ISLR2: variants seen among roughly 807,000 people sequenced by gnomAD.
ISLR2 encodes immunoglobulin superfamily containing leucine rich repeat 2.
Under a neutral mutation model 25.5 loss-of-function variants are expected in ISLR2, and 16 were observed. The ratio of observed to expected loss-of-function variants is 0.63; its 90% CI spans 0.43 to 0.95. The LOEUF (loss-of-function observed/expected upper bound fraction) is 0.95, where lower values mean the gene tolerates loss of function less well. Among genes scored for constraint, ISLR2 ranks in the 40% least tolerant of loss-of-function variants. The probability of loss-of-function intolerance (pLI) is 0.00; values close to 1 mark genes in which losing one functional copy is unlikely to be tolerated. For synonymous variants in ISLR2, 508 were observed against 486.6 expected (o/e 1.04, Z -0.58); for missense variants, 883 against 1,030.7 (o/e 0.86, Z 1.96).
At chr15:74,111,414 C>T (rs1220508047) in intron 2 of ISLR2, among the ~76,000 whole-genome samples, 2 of 151,804 alleles carry the variant, frequency 1.3e-5, no homozygotes, top group Non-Finnish European at 2.9e-5. Flanking sequence ...CTCAGCCTCC[C>T]GAGTAGCTGG....
intron 2 of ISLR2, among the ~76,000 whole-genome samples, chr15:74,114,275 C>T (rs1376717988): frequency 2.0e-5 from 3 of 152,204 alleles, no homozygotes; most frequent in African/African-American, 7.2e-5. Flanking sequence ...ATCATCAATA[C>T]AGGTACTCCA....
chr15:74,120,569 G>T (rs1041135553), intron 2 of ISLR2, among the ~76,000 whole-genome samples: 6 of 151,900 alleles, frequency 3.9e-5, no homozygotes, highest in African/African-American at 1.2e-4. Context: ...GGAGGCAGAG[G>T]GTAGGTGAGG....
At chr15:74,131,785 C>G (rs2072425983) in intron 2 of ISLR2, 1 of 152,302 alleles carries the variant, frequency 6.6e-6, no homozygotes, top group Non-Finnish European at 1.5e-5. Flanking sequence ...GGGGGAGAAC[C>G]TCCTTCCCCG....
At position 74,135,705 on chromosome 15, in the gene ISLR2, G is replaced by T. The variant is rs2072554096; in HGVS notation, c.*713G>T. On this transcript the variant is annotated 3_prime_UTR_variant, in exon 3 of 3. Transcript: ENST00000453268. Reference sequence around the variant, plus strand: ...TTTAGTAGAGACGGGGTTTCACCATGTTGGCCAGGATGGTCTGGATCTCTT... The same window carrying T: ...TTTAGTAGAGACGGGGTTTCACCATTTTGGCCAGGATGGTCTGGATCTCTT... 6.5e-6 allele frequency: 1 copy of T among 154,086 alleles called. No homozygotes were observed. The highest frequency in any genetic ancestry group is 2.1e-4 in the South Asian group (1 of 4,818). 9.5% of individuals were successfully genotyped at this position (154,086 alleles called of 1,614,324 possible).
rs767003172 is a variant in ISLR2, at chr15:74,135,560, G to T, written c.*568G>T. The T allele has an allele frequency of 2.5e-5, 4 of 160,760 alleles. No individual in the cohort carries two copies. The allele number at this position is 160,760 out of a possible 1,614,324, so 10.0% of individuals were successfully genotyped here. ...GTCTGTCGCCAGGCTGGAGTGCAGT[G>T]GCGCGATCTCGGCTCACTGCATCTT... On this transcript the variant is annotated 3_prime_UTR_variant, in exon 3 of 3. Coordinates refer to ENST00000453268, the MANE Select transcript of ISLR2 (RefSeq NM_020851.3).
intron 2 of ISLR2, among the ~76,000 whole-genome samples, chr15:74,120,296 T>G (rs1210308562): frequency 6.6e-6 from 1 of 152,110 alleles, no homozygotes; most frequent in Non-Finnish European, 1.5e-5. Flanking sequence ...ATGGGGAAAC[T>G]GCCTACCTTA....
chr15:74,108,044 A>T (rs187675708), intron 2 of ISLR2, among the ~76,000 whole-genome samples: 1 of 152,244 alleles, frequency 6.6e-6, no homozygotes, highest in African/African-American at 2.4e-5. Context: ...CAGAGGTTGG[A>T]GCTGGGAGGT....
chr15:74,124,329 C>T (rs2072274561), upstream of ISLR2, among the ~76,000 whole-genome samples: 1 of 151,952 alleles, frequency 6.6e-6, no homozygotes, highest in African/African-American at 2.4e-5. Context: ...TTATTCTGAA[C>T]CAATCAGTTT....
upstream of ISLR2, chr15:74,130,215 G>C (rs1347293960): frequency 2.3e-5 from 3 of 128,994 alleles, no homozygotes; most frequent in Non-Finnish European, 5.0e-5. Flanking sequence ...GGGGCGGGGG[G>C]GTTGGGGCGG....
upstream of ISLR2, chr15:74,130,275 G>T (rs970746928): frequency 3.9e-5 from 6 of 152,008 alleles, no homozygotes; most frequent in African/African-American, 1.5e-4. Context: ...AGGCAAAAAT[G>T]GTAGGGAGGG....
At position 74,133,017 on chromosome 15, in the gene ISLR2, G is replaced by T. The variant is rs1322030287; in HGVS notation, c.263G>T (p.Arg88Leu). Residue 88 changes from arginine to leucine, a missense_variant, in exon 3 of 3, where the codon CGC (arginine) becomes CTC (leucine). Around this residue, in one of 2 missense-constraint regions of ISLR2, gnomAD observed 271 missense variants for 387.9 expected, o/e 0.70. Coordinates refer to ENST00000453268, the MANE Select transcript of ISLR2 (RefSeq NM_020851.3). ...CTGTGGCTGGCGCACAATGAGGTGC[G>T]CACCGTGGAGCCAGGCGCACTGGCC... ...TSLWLAHNEV[R>L]TVEPGALAVL... 6.2e-7 allele frequency: 1 copy of T among 1,613,090 alleles called. No homozygotes were observed. The highest frequency in any genetic ancestry group is 8.5e-7 in the Non-Finnish European group (1 of 1,179,910).
At chr15:74,141,004 G>A (rs2072608105), downstream of ISLR2, among the ~76,000 whole-genome samples, 1 of 152,188 alleles carries the variant, frequency 6.6e-6, no homozygotes, top group Non-Finnish European at 1.5e-5. Context: ...TTTTTAAAAA[G>A]CCATCCAAAG....
intron 2 of ISLR2, among the ~76,000 whole-genome samples, chr15:74,121,305 G>C (rs2072250894): frequency 6.6e-6 from 1 of 152,196 alleles, no homozygotes; most frequent in South Asian, 2.1e-4. Flanking sequence ...TGAGTCTGGA[G>C]ATAAGGACGC....
At chr15:74,122,990 G>C (rs1434086447) in intron 2 of ISLR2, among the ~76,000 whole-genome samples, 3 of 152,166 alleles carry the variant, frequency 2.0e-5, no homozygotes, top group Admixed American at 2.0e-4. Context: ...GGAGGACTGA[G>C]AGTTGCAGAG....
At chr15:74,128,629 G>A, upstream of ISLR2, 1 of 456,456 alleles carries the variant, frequency 2.2e-6, no homozygotes, top group Non-Finnish European at 4.4e-6. Context: ...GCCTCCCTGC[G>A]GAAGGCAAAA....
chr15:74,110,492 C>G (rs564269489), intron 2 of ISLR2, among the ~76,000 whole-genome samples: 7 of 152,302 alleles, frequency 4.6e-5, no homozygotes, highest in Admixed American at 1.3e-4. Flanking sequence ...GTAAAGCAAA[C>G]TGACATATCC....
At chr15:74,109,010 A>G (rs549629108) in intron 2 of ISLR2, among the ~76,000 whole-genome samples, 4 of 152,210 alleles carry the variant, frequency 2.6e-5, no homozygotes, top group African/African-American at 7.2e-5. Flanking sequence ...GCTTCATGTC[A>G]ATTTTTAACA....
In ISLR2 at chr15:74,135,301, C is replaced by A. The variant is rs960363306; in HGVS notation, c.*309C>A. 9.4e-6 allele frequency: 3 copies of A among 317,526 alleles called. No homozygotes were observed. Among genetic ancestry groups the A allele is most frequent in the African/African-American group, 6.2e-5 (3 of 48,072 alleles). The allele number at this position is 317,526 out of a possible 1,614,324, so 19.7% of individuals were successfully genotyped here. A position where few individuals can be genotyped will look rare whatever the true frequency, so the allele number is the denominator to read the frequency against. ...GATATCTATGTCCCTCCATTCCCGT[C>A]GCGATTATCTGCGAAATCCACCCCG... On this transcript the variant is annotated 3_prime_UTR_variant, in exon 3 of 3. Coordinates refer to ENST00000453268, the MANE Select transcript of ISLR2 (RefSeq NM_020851.3).
In ISLR2 at chr15:74,132,091, G is replaced by C. The variant is rs2072433965; in HGVS notation, c.-8-656G>C. 6.6e-6 allele frequency: 1 copy of C among 152,494 alleles called. No homozygotes were observed. The highest frequency in any genetic ancestry group is 1.5e-5 in the Non-Finnish European group (1 of 68,284). The allele number at this position is 152,494 out of a possible 1,614,324, so 9.4% of individuals were successfully genotyped here. The stretch of plus-strand genomic sequence containing the variant: ...TGGACAGGAAAGCGCTTTGTACCGT[G>C]GTGGAAAACACGTACAAATGCTGGT... On this transcript the variant is annotated intron_variant, in intron 2 of 2. Transcript: ENST00000453268. The surrounding 1 kb of genome is among the most constrained non-coding windows in gnomAD (Gnocchi z 4.3).
Sources: allele counts gnomAD v4.1 joint callset (sites outside exome capture counted in the v4.1 genomes callset), GRCh38; gene constraint gnomAD v4.1.1; regional missense constraint gnomAD v4.1.1; non-coding constraint Gnocchi (gnomAD v3.1); transcripts MANE v1.5; gene names NCBI Gene and HGNC (gene_info 2026-07-23, HGNC 2026-07-21).